SLC16A7: variants seen among roughly 807,000 people sequenced by gnomAD.
The protein encoded by SLC16A7 is monocarboxylate transporter 2.
In SLC16A7, 33 loss-of-function variants were observed where a neutral mutation model predicts 34.9. The ratio of observed to expected loss-of-function variants is 0.94; its 90% CI spans 0.72 to 1.26. The LOEUF is 1.26. Among genes scored for constraint, SLC16A7 ranks in the 50% most tolerant of loss-of-function variants. The probability of loss-of-function intolerance (pLI) is 0.00; values close to 1 mark genes in which losing one functional copy is unlikely to be tolerated. For missense variants in SLC16A7, 573 were observed against 578.1 expected, an observed-to-expected ratio of 0.99 and a Z score of 0.09; for synonymous variants, 201 against 206.6, an observed-to-expected ratio of 0.97 and a Z score of 0.23.
At chr12:59,729,527 T>A (rs1262812321) in intron 3 of SLC16A7, among the ~76,000 whole-genome samples, 1 of 152,214 alleles carries the variant, frequency 6.6e-6, no homozygotes, top group East Asian at 1.9e-4. Context: ...TAGCTTTTAA[T>A]CCTTTCATTG....
chr12:59,747,437 CTAAT>C (rs1414273987), intron 3 of SLC16A7, among the ~76,000 whole-genome samples: 2 of 152,116 alleles, frequency 1.3e-5, no homozygotes, highest in East Asian at 1.9e-4. Flanking sequence ...AAATATTTTT[CTAAT>C]TAATTGTTTT....
At chr12:59,771,548 A>T (rs544093956) in intron 4 of SLC16A7, among the ~76,000 whole-genome samples, 186 bp downstream of exon 4, 18 of 152,248 alleles carry the variant, frequency 1.2e-4, no homozygotes, top group East Asian at 9.6e-4. Flanking sequence ...TTTCATTTTT[A>T]AAAAAATAAA....
Position 59,775,100 on chromosome 12 carries a change from G to T in SLC16A7, c.805G>T (p.Ala269Ser), listed in dbSNP as rs775444490. 1 of 1,614,006 alleles carries T rather than the reference G, an allele frequency of 6.2e-7. No homozygotes were observed. The highest frequency in any genetic ancestry group is 1.7e-4 in the Middle Eastern group (1 of 6,060). Residue 269 changes from alanine to serine, a missense_variant, in exon 5 of 6, where the codon GCT (alanine) becomes TCT (serine). Ala to Ser is a moderately conservative substitution (Grantham distance 99). Transcript: ENST00000547379. The part of the protein sequence containing the change: ...LGFFAPIIFL[A>S]PYAKDQGIDE... ...TTTTTTTGCCCCCATTATATTCTTG[G>T]CTCCATATGCTAAAGACCAAGGAAT...
At chr12:59,734,240 C>A in intron 3 of SLC16A7, 1 of 178,660 alleles carries the variant, frequency 5.6e-6, no homozygotes, top group Non-Finnish European at 1.2e-5. Flanking sequence ...CCTGCCCCAG[C>A]CTCCCTCCCA....
At chr12:59,624,009 ATTTATTT>A (rs1879813364) in intron 1 of SLC16A7, among the ~76,000 whole-genome samples, 2 of 151,316 alleles carry the variant, frequency 1.3e-5, no homozygotes, top group African/African-American at 4.8e-5. Context: ...TAAAATATTT[ATTTATTT>A]ATTGTTTTTT....
chr12:59,668,133 C>A (rs1039232894), intron 2 of SLC16A7, among the ~76,000 whole-genome samples: 12 of 152,210 alleles, frequency 7.9e-5, no homozygotes, highest in Non-Finnish European at 1.8e-4. Flanking sequence ...TCTGCTAGGG[C>A]AGTGCAGCAG....
chr12:59,705,634 A>G (rs1592537778), intron 3 of SLC16A7, among the ~76,000 whole-genome samples: 1 of 152,176 alleles, frequency 6.6e-6, no homozygotes, highest in Admixed American at 6.5e-5. Flanking sequence ...GAAGAAATCA[A>G]AGTACCATCC....
chr12:59,766,471 C>T (rs1881644473), intron 3 of SLC16A7, among the ~76,000 whole-genome samples: 2 of 152,134 alleles, frequency 1.3e-5, no homozygotes, highest in Non-Finnish European at 2.9e-5. Flanking sequence ...GTGGGTTTGT[C>T]ATAGATAGCT....
chr12:59,620,892 A>G (rs1174070331), intron 1 of SLC16A7, among the ~76,000 whole-genome samples: 2 of 151,858 alleles, frequency 1.3e-5, no homozygotes, highest in Non-Finnish European at 1.5e-5. Context: ...ATTATCCTTC[A>G]CACCAATGTC....
intron 1 of SLC16A7, among the ~76,000 whole-genome samples, chr12:59,612,892 G>C (rs1309514013): frequency 6.6e-6 from 1 of 152,194 alleles, no homozygotes; most frequent in Non-Finnish European, 1.5e-5. Flanking sequence ...CATTCAACAA[G>C]TCTTTATGAA....
intron 2 of SLC16A7, among the ~76,000 whole-genome samples, chr12:59,680,305 C>T (rs1186207131): frequency 1.3e-5 from 2 of 152,134 alleles, no homozygotes; most frequent in Non-Finnish European, 2.9e-5. Flanking sequence ...AGATAGAGGA[C>T]TTTTTCCAAT....
At chr12:59,605,375 T>A (rs765437265) in intron 1 of SLC16A7, among the ~76,000 whole-genome samples, 1 of 151,920 alleles carries the variant, frequency 6.6e-6, no homozygotes, top group African/African-American at 2.4e-5. Flanking sequence ...GTTTGCAAGG[T>A]GGTAGGGATA....
At chr12:59,601,388 AG>A (rs1253664284) in intron 1 of SLC16A7, among the ~76,000 whole-genome samples, 1 of 152,240 alleles carries the variant, frequency 6.6e-6, no homozygotes, top group Non-Finnish European at 1.5e-5. Flanking sequence ...TAAGTTTCTA[AG>A]GGATATTAAC....
At chr12:59,772,861 A>C (rs1882367303) in intron 4 of SLC16A7, among the ~76,000 whole-genome samples, 1 of 152,102 alleles carries the variant, frequency 6.6e-6, no homozygotes, top group African/African-American at 2.4e-5. Flanking sequence ...AACTTACTTT[A>C]TTTTGGCAAA....
intron 4 of SLC16A7, among the ~76,000 whole-genome samples, chr12:59,773,570 C>CTT (rs34811948): frequency 0.079 from 11,521 of 145,730 alleles, 523 homozygotes; most frequent in South Asian, 0.17. Context: ...AACCAATGTA[C>CTT]TTTTTTTTTT....
intron 1 of SLC16A7, among the ~76,000 whole-genome samples, chr12:59,613,719 TA>T (rs1261336571): frequency 6.6e-6 from 1 of 152,152 alleles, no homozygotes; most frequent in Non-Finnish European, 1.5e-5. Flanking sequence ...AAAAATGAAA[TA>T]CTTCATTGTT....
rs557030875 is a variant in SLC16A7, at chr12:59,683,485, G to T, written c.-30-21287G>T. Among the ~76,000 whole-genome samples the T allele has an allele frequency of 2.3e-3, 345 of 151,802 alleles. 4 individuals are homozygous for T. The highest frequency in any genetic ancestry group is 9.8e-3 in the South Asian group (47 of 4,804). On this transcript the variant is annotated intron_variant, in intron 2 of 5. Coordinates refer to ENST00000547379, the MANE Select transcript of SLC16A7 (RefSeq NM_001270623.2). The stretch of plus-strand genomic sequence containing the variant: ...CACATGAACCATGATGATCAAGAGA[G>T]AAATGAAAAAAAGAAGATGCATTCA...
At chr12:59,630,648 G>A (rs868546947) in intron 1 of SLC16A7, among the ~76,000 whole-genome samples, 11 of 151,972 alleles carry the variant, frequency 7.2e-5, no homozygotes, top group South Asian at 4.1e-4. Flanking sequence ...AAAACCTATC[G>A]TAGTAGCTCT....
chr12:59,615,049 T>C (rs1315754406), intron 1 of SLC16A7, among the ~76,000 whole-genome samples: 1 of 151,380 alleles, frequency 6.6e-6, no homozygotes, highest in Non-Finnish European at 1.5e-5. Context: ...TAAAAGAGGC[T>C]CCGTGCAGCA....
Sources: allele counts gnomAD v4.1 joint callset (sites outside exome capture counted in the v4.1 genomes callset), GRCh38; gene constraint gnomAD v4.1.1; transcripts MANE v1.5; gene names NCBI Gene and HGNC (gene_info 2026-07-23, HGNC 2026-07-21).